FHIT: variants seen among roughly 807,000 people sequenced by gnomAD.
The protein encoded by FHIT is fragile histidine triad diadenosine triphosphatase.
A neutral mutation model predicts 17.9 loss-of-function variants in FHIT; 19 were observed. The observed-to-expected ratio is 1.06, with a 90% CI of 0.74 to 1.56. The LOEUF (loss-of-function observed/expected upper bound fraction) is 1.56. Ranked by LOEUF, FHIT falls within the 40% of genes most tolerant of loss-of-function variation. The pLI is 0.00. For missense variants in FHIT, 248 were observed against 189.2 expected, an observed-to-expected ratio of 1.31 and a Z score of -1.82; for synonymous variants, 81 against 69.7, an observed-to-expected ratio of 1.16 and a Z score of -0.81.
At position 60,839,390 on chromosome 3, in the gene FHIT, C is replaced by T. The variant is rs575640969; in HGVS notation, c.-110-17379G>A. On this transcript the variant is annotated intron_variant, in intron 3 of 9. Coordinates refer to ENST00000492590, the MANE Select transcript of FHIT (RefSeq NM_002012.4). ...ACACTCCATCCTGCCTGCCGAATGA[C>T]TTCAGTGTCTCTGTGACCAGTGAGT... is the stretch of plus-strand genomic sequence containing the variant. Among the ~76,000 whole-genome samples the T allele has an allele frequency of 1.6e-4, 24 of 152,298 alleles. No individual in the cohort carries two copies. In the East Asian group the frequency reaches 3.1e-3, roughly 20 times the overall value.
At chr3:60,995,046 C>A (rs964199497) in intron 3 of FHIT, among the ~76,000 whole-genome samples, 7 of 152,110 alleles carry the variant, frequency 4.6e-5, no homozygotes, top group Non-Finnish European at 1.0e-4. Flanking sequence ...ACCAGCCAGG[C>A]GCGGTGGCTC....
intron 5 of FHIT, among the ~76,000 whole-genome samples, chr3:60,275,868 T>A (rs1576406482): frequency 1.3e-5 from 2 of 152,332 alleles, no homozygotes; most frequent in Admixed American, 1.3e-4. Flanking sequence ...ATTAGACTTC[T>A]TTTTATGTGT....
At chr3:59,765,794 T>G (rs537918854) in intron 8 of FHIT, among the ~76,000 whole-genome samples, 91 of 152,112 alleles carry the variant, frequency 6.0e-4, no homozygotes, top group Middle Eastern at 3.2e-3. Flanking sequence ...TCAAAGAAAC[T>G]CTGATTAAAA....
intron 8 of FHIT, among the ~76,000 whole-genome samples, chr3:59,877,724 G>A (rs1286986094): frequency 6.6e-6 from 1 of 152,186 alleles, no homozygotes; most frequent in African/African-American, 2.4e-5. Context: ...AGGATCTCCT[G>A]CCAAGAAAAT....
At chr3:60,768,029 T>G (rs1553721976) in intron 4 of FHIT, among the ~76,000 whole-genome samples, 1 of 152,082 alleles carries the variant, frequency 6.6e-6, no homozygotes, top group African/African-American at 2.4e-5. Flanking sequence ...AGGAAAAAAA[T>G]AAAGCCTACT....
intron 7 of FHIT, among the ~76,000 whole-genome samples, chr3:59,923,986 A>G (rs1232540179): frequency 2.6e-5 from 4 of 152,212 alleles, no homozygotes; most frequent in Admixed American, 2.6e-4. Flanking sequence ...TCTCTCAGCA[A>G]TTGGGCCAAG....
At position 59,919,594 on chromosome 3, in the gene FHIT, A is replaced by G. The variant is rs556157220; in HGVS notation, c.348+2752T>C. Among the ~76,000 whole-genome samples, 137 of 152,348 alleles carry G rather than the reference A, an allele frequency of 9.0e-4. 1 individual carries two copies. Among genetic ancestry groups the G allele is most frequent in the African/African-American group, 3.3e-3 (136 of 41,588 alleles). The stretch of plus-strand genomic sequence containing the variant: ...TATTTGTCACTAACCATCTTAAAAC[A>G]GTGCCTAGAAAGAACACAATGTTCC... On this transcript the variant is annotated intron_variant, in intron 8 of 9. Coordinates refer to ENST00000492590, the MANE Select transcript of FHIT (RefSeq NM_002012.4).
At chr3:60,751,590 G>C (rs2042467881) in intron 4 of FHIT, among the ~76,000 whole-genome samples, 1 of 152,146 alleles carries the variant, frequency 6.6e-6, no homozygotes, top group African/African-American at 2.4e-5. Context: ...AAATATTTTT[G>C]TCCCTTTTTG....
intron 4 of FHIT, among the ~76,000 whole-genome samples, chr3:60,614,553 G>A (rs111317639): frequency 0.013 from 2,047 of 152,100 alleles, 56 homozygotes; most frequent in African/African-American, 0.047. Context: ...GCAGTGAGAC[G>A]AGATCGATCA....
chr3:59,882,241 T>G (rs1703438185), intron 8 of FHIT, among the ~76,000 whole-genome samples: 1 of 152,120 alleles, frequency 6.6e-6, no homozygotes, highest in Admixed American at 6.6e-5. Context: ...AAACAAAACA[T>G]TTAAAACATA....
At chr3:60,490,727 T>G (rs1317471778) in intron 5 of FHIT, among the ~76,000 whole-genome samples, 4 of 151,860 alleles carry the variant, frequency 2.6e-5, no homozygotes, top group Non-Finnish European at 5.9e-5. Context: ...TCTTACTAAT[T>G]CAGGTACTAA....
At chr3:61,247,767 A>G (rs1187687115) in intron 1 of FHIT, among the ~76,000 whole-genome samples, 1 of 152,246 alleles carries the variant, frequency 6.6e-6, no homozygotes, top group Non-Finnish European at 1.5e-5. Flanking sequence ...CAGGCTTACA[A>G]TAACAAAAAT....
chr3:61,166,037 T>A lies in FHIT; in HGVS notation c.-164+34580A>T, dbSNP rs552089944. Among the ~76,000 whole-genome samples, 24 of 152,270 alleles carry A rather than the reference T, an allele frequency of 1.6e-4. No homozygotes were observed. The East Asian group carries it at 3.7e-3, about 23-fold the overall frequency. ...AACTGTTGTCCTTTTGCCTCATACA[T>A]CAGCAAAGCGTGCATAGGGCTCTTA... On this transcript the variant is annotated intron_variant, in intron 2 of 9. Transcript: ENST00000492590.
intron 8 of FHIT, among the ~76,000 whole-genome samples, chr3:59,865,205 A>G (rs1702589418): frequency 6.6e-6 from 1 of 152,272 alleles, no homozygotes; most frequent in South Asian, 2.1e-4. Flanking sequence ...AAAAGCATAA[A>G]AAATTAATAC....
chr3:60,000,697 A>C (rs375295124), intron 7 of FHIT, among the ~76,000 whole-genome samples: 2 of 146,320 alleles, frequency 1.4e-5, no homozygotes, highest in Non-Finnish European at 3.0e-5. Context: ...AAAAAAAAAA[A>C]CAATTTAGGA....
chr3:60,131,421 T>A (rs1265031295), intron 5 of FHIT, among the ~76,000 whole-genome samples: 1 of 152,112 alleles, frequency 6.6e-6, no homozygotes, highest in Non-Finnish European at 1.5e-5. Context: ...TCCAACTCCA[T>A]TTTTAACCAA....
rs576992259 is a variant in FHIT, at chr3:60,604,620, T to C, written c.-17-67641A>G. Among the ~76,000 whole-genome samples, 4 of 152,268 alleles carry C rather than the reference T, an allele frequency of 2.6e-5. 1 individual carries two copies. The South Asian group carries it at 8.3e-4, about 32-fold the overall frequency. Reference sequence around the variant, plus strand: ...TCACTGCAGATAACAAATTATGTCATTTCTTATAGCTCTATTCCACTCATC... The same window carrying C: ...TCACTGCAGATAACAAATTATGTCACTTCTTATAGCTCTATTCCACTCATC... On this transcript the variant is annotated intron_variant, in intron 4 of 9. Coordinates refer to ENST00000492590, the MANE Select transcript of FHIT (RefSeq NM_002012.4).
At chr3:60,817,925 AT>A (rs1701795884) in intron 4 of FHIT, among the ~76,000 whole-genome samples, 2 of 151,544 alleles carry the variant, frequency 1.3e-5, no homozygotes, top group African/African-American at 4.8e-5. Flanking sequence ...GTCTCTGTTT[AT>A]TTTTTTTATT....
intron 5 of FHIT, among the ~76,000 whole-genome samples, chr3:60,203,116 A>C (rs971867881): frequency 1.3e-5 from 2 of 152,184 alleles, no homozygotes; most frequent in African/African-American, 2.4e-5. Context: ...TAGTTCTTAC[A>C]TGAGACTATA....
Sources: allele counts gnomAD v4.1 joint callset (sites outside exome capture counted in the v4.1 genomes callset), GRCh38; gene constraint gnomAD v4.1.1; transcripts MANE v1.5; gene names NCBI Gene and HGNC (gene_info 2026-07-23, HGNC 2026-07-21).